Variants in PPIG observed in about 807,000 individuals in gnomAD.
The protein encoded by PPIG is peptidylprolyl isomerase G.
A neutral mutation model predicts 87.9 loss-of-function variants in PPIG; 26 were observed. That is an observed-to-expected ratio of 0.30 (90% CI 0.22 to 0.41). PPIG has a LOEUF of 0.41. PPIG is among the 10% of genes least tolerant of loss of function. The pLI is 1.00. For missense variants in PPIG, 722 were observed against 879.4 expected, an observed-to-expected ratio of 0.82 and a Z score of 2.26; for synonymous variants, 308 against 276.5, an observed-to-expected ratio of 1.11 and a Z score of -1.13.
chr2:169,614,060 G>A (rs1685554762), intron 7 of PPIG, among the ~76,000 whole-genome samples: 2 of 152,186 alleles, frequency 1.3e-5, no homozygotes, highest in Admixed American at 1.3e-4. Context: ...AGATTGAAAA[G>A]CATTATTGTT....
At chr2:169,621,729 A>C (rs1558897265) in intron 9 of PPIG, among the ~76,000 whole-genome samples, 1 of 149,162 alleles carries the variant, frequency 6.7e-6, no homozygotes, top group African/African-American at 2.5e-5. Flanking sequence ...TCTACTTGAC[A>C]ACTAATTTTT....
At chr2:169,631,324 C>CTT (rs1444962433) in intron 10 of PPIG, 1 of 296,106 alleles carries the variant, frequency 3.4e-6, no homozygotes, top group African/African-American at 2.3e-5. Context: ...CCCCTTTGCT[C>CTT]TTACGATAGC....
In PPIG at chr2:169,641,353, CTG is replaced by C. The variant is rs1281335350; in HGVS notation, c.*3832_*3833del. On this transcript the variant is annotated 3_prime_UTR_variant, in exon 14 of 14. Coordinates refer to ENST00000260970, the MANE Select transcript of PPIG (RefSeq NM_004792.3). Reference sequence around the variant, plus strand: ...ATTTTACAAAATTGAAACTTGGAAGCTGTATTAACTTTTATAGTTAAACATTG... The same window carrying C: ...ATTTTACAAAATTGAAACTTGGAAGCTATTAACTTTTATAGTTAAACATTG... 4 of 152,042 alleles carry C rather than the reference CTG, an allele frequency of 2.6e-5. No individual in the cohort carries two copies. Among genetic ancestry groups the C allele is most frequent in the Admixed American group, 6.6e-5 (1 of 15,228 alleles). 9.4% of individuals were successfully genotyped at this position (152,042 alleles called of 1,614,324 possible). A position where few individuals can be genotyped will look rare whatever the true frequency, so the allele number is the denominator to read the frequency against.
Position 169,609,795 on chromosome 2 carries a change from T to C in PPIG, c.377+1037T>C, listed in dbSNP as rs1053481848. ...ATTTTGTAATCATCACAGTAATGAC[T>C]GACCCAGGCAAGAATCTTCTATTGA... is the stretch of plus-strand genomic sequence containing the variant. On this transcript the variant is annotated intron_variant, in intron 7 of 13. Coordinates refer to ENST00000260970, the MANE Select transcript of PPIG (RefSeq NM_004792.3). 1.7e-3 allele frequency among the ~76,000 whole-genome samples: 262 copies of C among 152,326 alleles called. 7 individuals carry two copies. The highest frequency in any genetic ancestry group is 3.5e-4 in the Non-Finnish European group (24 of 68,012).
At chr2:169,594,922 GTTTTATTTTA>G (rs1217670277) in intron 1 of PPIG, among the ~76,000 whole-genome samples, 2 of 150,946 alleles carry the variant, frequency 1.3e-5, no homozygotes, top group South Asian at 2.1e-4. Context: ...ATGCCTGGCA[GTTTTATTTTA>G]TTTTATTTTA....
intron 1 of PPIG, among the ~76,000 whole-genome samples, chr2:169,599,763 C>A (rs955377708): frequency 1.3e-5 from 2 of 152,074 alleles, no homozygotes; most frequent in Non-Finnish European, 2.9e-5. Flanking sequence ...GCAAGGGTTG[C>A]TTAAGGTTCT....
At chr2:169,608,823 C>T (rs1416259515) in intron 7 of PPIG, 65 bp downstream of exon 7, 10 of 1,160,238 alleles carry the variant, frequency 8.6e-6, no homozygotes, top group Non-Finnish European at 1.3e-5. Flanking sequence ...TGGCTCATGC[C>T]TGTAATCCCA....
At chr2:169,603,483 CAT>C (rs1559178356) in intron 1 of PPIG, among the ~76,000 whole-genome samples, 157 bp from the exon 2 acceptor site, 1 of 147,054 alleles carries the variant, frequency 6.8e-6, no homozygotes, top group Non-Finnish European at 1.5e-5. Context: ...AAATCTACCA[CAT>C]ATACTATTTA....
Position 169,636,730 on chromosome 2 carries a change from G to A in PPIG, c.1472G>A (p.Gly491Glu). ...EEKRMRSRSK[G>E]RDHENVKEKE... ...AAGAGGATGAGGTCAAGGAGTAAAG[G>A]AAGGGATCATGAAAATGTTAAAGAA... Residue 491 changes from glycine to glutamate, a missense_variant, in exon 14 of 14, where the codon GGA (glycine) becomes GAA (glutamate). By Grantham distance (98) the Gly-to-Glu change is moderately conservative. Around this residue, in one of 4 missense-constraint regions of PPIG, gnomAD observed 476 missense variants for 483.1 expected, o/e 0.99. Transcript: ENST00000260970. The A allele has an allele frequency of 1.4e-5, 22 of 1,612,336 alleles. No individual in the cohort carries two copies. The highest frequency in any genetic ancestry group is 1.8e-5 in the Non-Finnish European group (21 of 1,179,644).
intron 7 of PPIG, among the ~76,000 whole-genome samples, chr2:169,612,102 A>G (rs1685505964): frequency 6.6e-6 from 1 of 151,954 alleles, no homozygotes; most frequent in African/African-American, 2.4e-5. Context: ...CAGCCTCCCA[A>G]AGTGCTGGGG....
intron 9 of PPIG, among the ~76,000 whole-genome samples, chr2:169,621,021 G>A (rs1685733652): frequency 6.6e-6 from 1 of 152,068 alleles, no homozygotes; most frequent in Admixed American, 6.5e-5. Context: ...TACAGACAAA[G>A]ATAGTCAAGA....
At chr2:169,601,396 T>C (rs992369607) in intron 1 of PPIG, among the ~76,000 whole-genome samples, 4 of 152,216 alleles carry the variant, frequency 2.6e-5, no homozygotes, top group African/African-American at 7.2e-5. Context: ...ATGGAACTTA[T>C]ATTCTAGTGA....
At chr2:169,631,496 A>G in intron 10 of PPIG, 16 of 964,194 alleles carry the variant, frequency 1.7e-5, no homozygotes, top group Non-Finnish European at 2.0e-5. Context: ...ATCAGAGTGC[A>G]TTGCTCACAT....
rs1469175818 is a variant in PPIG at position 169,641,285 on chromosome 2, C to T, written c.*3762C>T. 1.3e-5 allele frequency: 2 copies of T among 152,044 alleles called. No individual in the cohort carries two copies. Among genetic ancestry groups the T allele is most frequent in the Non-Finnish European group, 2.9e-5 (2 of 68,006 alleles). 9.4% of individuals were successfully genotyped at this position (152,044 alleles called of 1,614,324 possible). ...AAATTAGTTTCAAAATGCTGCTTCTCTTATCATTAGTCTAGTAATTGTTGA... is the reference window on the plus strand; with the variant it reads ...AAATTAGTTTCAAAATGCTGCTTCTTTTATCATTAGTCTAGTAATTGTTGA... On this transcript the variant is annotated 3_prime_UTR_variant, in exon 14 of 14. Coordinates refer to ENST00000260970, the MANE Select transcript of PPIG (RefSeq NM_004792.3).
At chr2:169,635,332 C>A (rs191709372) in intron 12 of PPIG, among the ~76,000 whole-genome samples, 3 of 152,190 alleles carry the variant, frequency 2.0e-5, no homozygotes, top group Admixed American at 2.0e-4. Flanking sequence ...TACTACTTTC[C>A]CTTGCAGTTT....
chr2:169,636,459 G>C lies in PPIG; in HGVS notation c.1201G>C (p.Val401Leu). 1.3e-6 allele frequency: 2 copies of C among 1,571,478 alleles called. No individual in the cohort carries two copies. Among genetic ancestry groups the C allele is most frequent in the African/African-American group, 2.8e-5 (2 of 72,386 alleles). The change falls in exon 14 of 14, where the codon GTA becomes CTA. Residue 401 changes from valine (V) to leucine (L), a missense_variant. Around this residue, in one of 4 missense-constraint regions of PPIG, gnomAD observed 476 missense variants for 483.1 expected, o/e 0.99. Coordinates refer to ENST00000260970, the MANE Select transcript of PPIG (RefSeq NM_004792.3). ...AGAAAATCAGAGAAGTCCAGTTAGA[G>C]TAAAAGAGAGAAAAATAACAGATCA... Reference protein sequence around the residue: ...IKENQRSPVRVKERKITDHRN... With the variant: ...IKENQRSPVRLKERKITDHRN...
chr2:169,616,543 G>T (rs368246936), intron 9 of PPIG, among the ~76,000 whole-genome samples: 57 of 152,272 alleles, frequency 3.7e-4, no homozygotes, highest in African/African-American at 1.3e-3. Flanking sequence ...CATTCTAACT[G>T]GCGTGAGATG....
intron 9 of PPIG, among the ~76,000 whole-genome samples, chr2:169,620,086 T>A (rs1685704611): frequency 6.6e-6 from 1 of 152,136 alleles, no homozygotes; most frequent in Non-Finnish European, 1.5e-5. Flanking sequence ...TAGTTTGATG[T>A]TATCCCATTT....
At chr2:169,589,833 G>A (rs954653290) in intron 1 of PPIG, among the ~76,000 whole-genome samples, 1 of 152,156 alleles carries the variant, frequency 6.6e-6, no homozygotes, top group African/African-American at 2.4e-5. Context: ...AGCAGTCCGG[G>A]TGCAGTGGCC....
Sources: allele counts gnomAD v4.1 joint callset (sites outside exome capture counted in the v4.1 genomes callset), GRCh38; gene constraint gnomAD v4.1.1; regional missense constraint gnomAD v4.1.1; transcripts MANE v1.5; gene names NCBI Gene and HGNC (gene_info 2026-07-23, HGNC 2026-07-21).